The following GRM1 variants were observed in gnomAD, a reference collection of about 807,000 sequenced individuals.
The protein encoded by GRM1 is glutamate metabotropic receptor 1, also known as metabotropic glutamate receptor 1.
GRM1 carries 33 observed loss-of-function variants against 90.9 expected under a neutral mutation model. The observed-to-expected ratio is 0.36, with a 90% confidence interval of 0.28 to 0.49. The LOEUF is 0.49. GRM1 is among the 20% of genes least tolerant of loss of function. The pLI, the probability that GRM1 is intolerant of heterozygous loss-of-function variation, is 0.99. For synonymous variants in GRM1, 700 were observed against 613.2 expected, an observed-to-expected ratio of 1.14 and a Z score of -2.09; for missense variants, 1,190 against 1,534.3, an observed-to-expected ratio of 0.78 and a Z score of 3.75.
At chr6:146,153,820 C>T (rs1452568667) in intron 1 of GRM1, among the ~76,000 whole-genome samples, 1 of 152,168 alleles carries the variant, frequency 6.6e-6, no homozygotes, top group African/African-American at 2.4e-5. Context: ...AAGAATTGTT[C>T]AAACAAGAGC....
chr6:146,182,541 C>T (rs1778587172), intron 2 of GRM1, among the ~76,000 whole-genome samples: 1 of 139,894 alleles, frequency 7.1e-6, no homozygotes, highest in Non-Finnish European at 1.5e-5. Context: ...CAATTACTTG[C>T]CCTTTCCTGA....
intron 1 of GRM1, among the ~76,000 whole-genome samples, chr6:146,088,378 T>A (rs1370043895): frequency 1.3e-5 from 2 of 152,266 alleles, no homozygotes; most frequent in African/African-American, 4.8e-5. Flanking sequence ...GCCTCATTTT[T>A]AAAGTTCGAA....
At chr6:146,081,550 A>G (rs542986806) in intron 1 of GRM1, among the ~76,000 whole-genome samples, 2 of 152,280 alleles carry the variant, frequency 1.3e-5, no homozygotes, top group African/African-American at 4.8e-5. Flanking sequence ...GTTAATATAA[A>G]GTGAAGTGAA....
intron 7 of GRM1, among the ~76,000 whole-genome samples, chr6:146,404,384 G>T (rs1187769607): frequency 6.6e-6 from 1 of 151,998 alleles, no homozygotes; most frequent in Non-Finnish European, 1.5e-5. Flanking sequence ...ATATGGGAAG[G>T]GAGACACTAA....
chr6:146,147,567 C>A (rs897298566), intron 1 of GRM1, among the ~76,000 whole-genome samples: 1 of 152,168 alleles, frequency 6.6e-6, no homozygotes, highest in African/African-American at 2.4e-5. Context: ...ACAGAATGTT[C>A]AGAATACCAA....
chr6:146,392,207 G>A (rs761159321), intron 6 of GRM1, among the ~76,000 whole-genome samples: 12 of 152,066 alleles, frequency 7.9e-5, no homozygotes, highest in Non-Finnish European at 1.0e-4. Context: ...ATGACTTGGG[G>A]GTGATAAAAA....
intron 1 of GRM1, among the ~76,000 whole-genome samples, chr6:146,109,168 A>G (rs1399414158): frequency 6.6e-6 from 1 of 152,184 alleles, no homozygotes; most frequent in Non-Finnish European, 1.5e-5. Flanking sequence ...CCCCAAGACA[A>G]TGGGGAAAAT....
intron 2 of GRM1, among the ~76,000 whole-genome samples, chr6:146,240,130 A>G (rs910656127): frequency 6.6e-6 from 1 of 152,086 alleles, no homozygotes; most frequent in Non-Finnish European, 1.5e-5. Context: ...TCCCTTCACA[A>G]TATCCTCTGA....
chr6:146,199,221 A>G (rs1779219566), intron 2 of GRM1, among the ~76,000 whole-genome samples: 1 of 152,146 alleles, frequency 6.6e-6, no homozygotes, highest in Admixed American at 6.6e-5. Flanking sequence ...GTCTAACTGC[A>G]CATAATATAT....
chr6:146,076,165 A>G (rs1776179657), intron 1 of GRM1, among the ~76,000 whole-genome samples: 1 of 152,104 alleles, frequency 6.6e-6, no homozygotes, highest in South Asian at 2.1e-4. Flanking sequence ...CAGGGAGCTC[A>G]TTTATCTTGC....
chr6:146,385,946 A>G (rs1288511228), intron 5 of GRM1, among the ~76,000 whole-genome samples: 1 of 152,054 alleles, frequency 6.6e-6, no homozygotes, highest in Admixed American at 6.6e-5. Context: ...AGGCCTAACT[A>G]GTAAGCCACT....
chr6:146,412,434 A>G (rs1777604401), intron 7 of GRM1, among the ~76,000 whole-genome samples: 1 of 152,058 alleles, frequency 6.6e-6, no homozygotes, highest in African/African-American at 2.4e-5. Flanking sequence ...CATGTTTTTC[A>G]CATTTTTTTT....
At chr6:146,175,645 A>G (rs750787054) in intron 2 of GRM1, among the ~76,000 whole-genome samples, 10 of 152,170 alleles carry the variant, frequency 6.6e-5, no homozygotes, top group Non-Finnish European at 1.3e-4. Flanking sequence ...TGCAGGATCC[A>G]TCTCATAAAT....
At chr6:146,294,876 T>G (rs1249303960) in intron 2 of GRM1, among the ~76,000 whole-genome samples, 3 of 152,228 alleles carry the variant, frequency 2.0e-5, no homozygotes, top group Non-Finnish European at 4.4e-5. Flanking sequence ...TTTGTTTGGT[T>G]AATCTCCTAC....
intron 2 of GRM1, among the ~76,000 whole-genome samples, chr6:146,176,020 T>C (rs1778326998): frequency 6.6e-6 from 1 of 152,100 alleles, no homozygotes; most frequent in African/African-American, 2.4e-5. Flanking sequence ...TTCTGAAGAT[T>C]AAATAATAAA....
chr6:146,151,693 C>T (rs920826642), intron 1 of GRM1, among the ~76,000 whole-genome samples: 1 of 151,918 alleles, frequency 6.6e-6, no homozygotes, highest in African/African-American at 2.4e-5. Context: ...AAAATCATAC[C>T]GAGTTTAGAG....
intron 2 of GRM1, among the ~76,000 whole-genome samples, chr6:146,232,865 C>A (rs2114708303): frequency 6.6e-6 from 1 of 152,070 alleles, no homozygotes; most frequent in Middle Eastern, 3.4e-3. Context: ...CAGTGTCATT[C>A]AAGGAATTTG....
intron 2 of GRM1, among the ~76,000 whole-genome samples, chr6:146,261,428 G>A (rs1781692254): frequency 6.6e-6 from 1 of 152,108 alleles, no homozygotes; most frequent in Admixed American, 6.6e-5. Context: ...CTGTTTAAAT[G>A]TGCCAGTTCA....
At chr6:146,131,889 G>A (rs145024388) in intron 1 of GRM1, among the ~76,000 whole-genome samples, 15 of 152,256 alleles carry the variant, frequency 9.9e-5, no homozygotes, top group African/African-American at 3.6e-4. Flanking sequence ...CAAGATAGGG[G>A]CCACTTTATA....
Sources: allele counts gnomAD v4.1 joint callset (sites outside exome capture counted in the v4.1 genomes callset), GRCh38; gene constraint gnomAD v4.1.1; transcripts MANE v1.5; gene names NCBI Gene and HGNC (gene_info 2026-07-23, HGNC 2026-07-21).